Variants in ITGB7 observed in about 807,000 individuals in gnomAD.
ITGB7 encodes integrin subunit beta 7, also known as integrin beta-7.
ITGB7 carries 55 observed loss-of-function variants against 83.4 expected under a neutral mutation model. The ratio of observed to expected loss-of-function variants is 0.66; its 90% confidence interval spans 0.53 to 0.83. The LOEUF (loss-of-function observed/expected upper bound fraction) is 0.83, where lower values mean the gene tolerates loss of function less well. Among genes scored for constraint, ITGB7 ranks in the 40% least tolerant of loss-of-function variants. The probability of loss-of-function intolerance (pLI) is 0.00; values close to 1 mark genes in which losing one functional copy is unlikely to be tolerated. For missense variants in ITGB7, 921 were observed against 1,046.7 expected (o/e 0.88, Z 1.66); for synonymous variants, 454 against 423.6 (o/e 1.07, Z -0.88).
chr12:53,196,210 G>A lies in ITGB7; in HGVS notation c.817-11C>T. The A allele has an allele frequency of 6.2e-7, 1 of 1,613,672 alleles. No homozygotes were observed. Among genetic ancestry groups the A allele is most frequent in the Non-Finnish European group, 8.5e-7 (1 of 1,179,648 alleles). On this transcript the variant is annotated splice_polypyrimidine_tract_variant and intron_variant, in intron 6 of 15. Coordinates refer to ENST00000267082, the MANE Select transcript of ITGB7 (RefSeq NM_000889.3). The stretch of plus-strand genomic sequence containing the variant: ...CCAGCCAATCTGCTCCTGAGTTACA[G>A]TGGGGGTGGTAGGCTATGCACCTGG...
In ITGB7 at chr12:53,196,836, A is replaced by C. The variant is rs1319297954; in HGVS notation, c.575-16T>G. ...GAACCAAAACCTGGGAGAGGAGAGG[A>C]ATGAAGGTTGTGCCAGAAGTCGCAG... On this transcript the variant is annotated splice_polypyrimidine_tract_variant and intron_variant, in intron 5 of 15. Coordinates refer to ENST00000267082, the MANE Select transcript of ITGB7 (RefSeq NM_000889.3). The C allele has an allele frequency of 1.9e-6, 3 of 1,583,862 alleles. No individual in the cohort carries two copies. In the East Asian group the frequency reaches 6.8e-5, roughly 36 times the overall value.
At chr12:53,193,096 G>A (rs563933288) in intron 12 of ITGB7, 44 bp downstream of exon 12, 1 of 1,544,880 alleles carries the variant, frequency 6.5e-7, no homozygotes, top group South Asian at 1.2e-5. Flanking sequence ...AGTGCCTTGG[G>A]AAGGCCTCTC....
chr12:53,194,056 A>T, intron 10 of ITGB7, 142 bp downstream of exon 10: 2 of 1,372,232 alleles, frequency 1.5e-6, no homozygotes, highest in Non-Finnish European at 2.0e-6. Flanking sequence ...AGCCACTCAG[A>T]CTGCTCCAGG....
At chr12:53,202,218 G>T (rs1942337223) in intron 1 of ITGB7, among the ~76,000 whole-genome samples, 1 of 152,088 alleles carries the variant, frequency 6.6e-6, no homozygotes, top group South Asian at 2.1e-4. Context: ...AACTAGCTGG[G>T]TGTGGTGGTG....
chr12:53,192,214 G>T, intron 14 of ITGB7, 116 bp downstream of exon 14: 1 of 1,276,324 alleles, frequency 7.8e-7, no homozygotes, highest in Non-Finnish European at 1.1e-6. Context: ...CTTTGTCCTG[G>T]ATTCACAGTT....
At chr12:53,197,051 C>G in intron 5 of ITGB7, 2 of 583,214 alleles carry the variant, frequency 3.4e-6, no homozygotes, top group Non-Finnish European at 6.1e-6. Flanking sequence ...ATGGGAACTT[C>G]CAGAAGGCGG....
intron 1 of ITGB7, among the ~76,000 whole-genome samples, chr12:53,205,120 T>C (rs1424345131): frequency 6.6e-6 from 1 of 151,444 alleles, no homozygotes; most frequent in African/African-American, 2.4e-5. Flanking sequence ...CCACTGTGCC[T>C]GGCCTTAAAT....
rs1942194682 is a variant in ITGB7, at chr12:53,197,199, TTCCAGGTTGGTAGGCCCAGGGCAGCTG to T, written c.574+267_574+293del. ...CCAGGGAGACTTGCATCAGGGCAGG[TTCCAGGTTGGTAGGCCCAGGGCAGCTG>T]TCCAGGCCCAGAGAGTGCCTGAGCA... On this transcript the variant is annotated intron_variant, in intron 5 of 15. Coordinates refer to ENST00000267082, the MANE Select transcript of ITGB7 (RefSeq NM_000889.3). The T allele has an allele frequency of 7.1e-6, 4 of 561,200 alleles. 1 individual carries two copies. The South Asian group carries it at 8.0e-5, about 11-fold the overall frequency. The allele number at this position is 561,200 out of a possible 1,614,324, so 34.8% of individuals were successfully genotyped here. A position where few individuals can be genotyped will look rare whatever the true frequency, so the allele number is the denominator to read the frequency against.
chr12:53,203,156 G>C (rs1942356051), intron 1 of ITGB7, among the ~76,000 whole-genome samples: 2 of 152,316 alleles, frequency 1.3e-5, no homozygotes, highest in South Asian at 2.1e-4. Flanking sequence ...CAGAATGGGA[G>C]AAAATATTTG....
chr12:53,201,847 G>C (rs1942329009), intron 1 of ITGB7, among the ~76,000 whole-genome samples: 1 of 152,156 alleles, frequency 6.6e-6, no homozygotes, highest in South Asian at 2.1e-4. Context: ...GCTGCAGTGA[G>C]CTATGATCGT....
chr12:53,192,647 C>A, intron 13 of ITGB7, 44 bp downstream of exon 13: 1 of 1,600,958 alleles, frequency 6.2e-7, no homozygotes, highest in Non-Finnish European at 8.5e-7. Context: ...CTCAACAAGC[C>A]CCACTGTGCC....
chr12:53,200,219 C>T lies in ITGB7; in HGVS notation c.201+24G>A, dbSNP rs774148804. 16 of 1,601,512 alleles carry T rather than the reference C, an allele frequency of 1.0e-5. No individual in the cohort carries two copies. In the South Asian group the frequency reaches 1.8e-4, roughly 18 times the overall value. On this transcript the variant is annotated intron_variant, in intron 3 of 15. Coordinates refer to ENST00000267082, the MANE Select transcript of ITGB7 (RefSeq NM_000889.3). ...CATACACATACACATACACATGGTT[C>T]AAAGACCATAGGCCCATCTTTACCA...
chr12:53,196,439 A>C, intron 6 of ITGB7, 140 bp downstream of exon 6: 1 of 1,237,822 alleles, frequency 8.1e-7, no homozygotes, highest in Non-Finnish European at 1.1e-6. Context: ...ACTCCAACCC[A>C]CCAGGTAATT....
intron 1 of ITGB7, among the ~76,000 whole-genome samples, chr12:53,201,539 G>A (rs1344751229): frequency 6.6e-6 from 1 of 152,118 alleles, no homozygotes; most frequent in Non-Finnish European, 1.5e-5. Flanking sequence ...CTTCAGGAAA[G>A]CCAAGCAAAT....
intron 1 of ITGB7, among the ~76,000 whole-genome samples, chr12:53,204,154 T>A (rs975533062): frequency 1.3e-5 from 2 of 151,698 alleles, no homozygotes; most frequent in African/African-American, 4.8e-5. Context: ...CCGAGGCGGG[T>A]GGATCACTTG....
At position 53,193,180 on chromosome 12, in the gene ITGB7, G is replaced by A. The variant is rs79496005; in HGVS notation, c.1686C>T (p.Asp562=). ...CCTCATGTCGCTCACAGCTGGCATC[G>A]TCACACTCGCACAGATGCCCAGAGC... ...GQSSGHLCEC[D]DASCERHEGI... The change falls in exon 12 of 16, where the codon GAC becomes GAT. Residue 562 remains aspartate (D), a synonymous_variant. Coordinates refer to ENST00000267082, the MANE Select transcript of ITGB7 (RefSeq NM_000889.3). 365 of 1,613,726 alleles carry A rather than the reference G, an allele frequency of 2.3e-4. No individual in the cohort carries two copies. The African/African-American group carries it at 3.1e-3, about 14-fold the overall frequency.
At chr12:53,197,991 A>G (rs1349176726) in intron 3 of ITGB7, 40 bp from the exon 4 acceptor site, 5 of 1,502,040 alleles carry the variant, frequency 3.3e-6, no homozygotes, top group South Asian at 2.4e-5. Context: ...CCGGTCCTGC[A>G]TAGGCCCTGG....
In ITGB7 at chr12:53,197,823, C is replaced by T. The variant is rs181619182; in HGVS notation, c.330G>A (p.Pro110=). The change falls in exon 4 of 16, where the codon CCG becomes CCA. Residue 110 remains proline, a synonymous_variant. Coordinates refer to ENST00000267082, the MANE Select transcript of ITGB7 (RefSeq NM_000889.3). ...RGQQEVLQDQ[P]LSQGARGEGA... ...CCTCTCCGCGGGCGCCCTGGCTGAGCGGCTGGTCCTGCAGCACCTCCTGCT... is the reference window on the plus strand; with the variant it reads ...CCTCTCCGCGGGCGCCCTGGCTGAGTGGCTGGTCCTGCAGCACCTCCTGCT... 4,184 of 1,534,830 alleles carry T rather than the reference C, an allele frequency of 2.7e-3. 19 individuals are homozygous for T. The highest frequency in any genetic ancestry group is 0.017 in the Middle Eastern group (85 of 4,934).
Position 53,195,819 on chromosome 12 carries a change from A to C in ITGB7, c.976-98T>G, listed in dbSNP as rs747887396. 41 of 1,124,032 alleles carry C rather than the reference A, an allele frequency of 3.6e-5. 1 individual carries two copies. Among genetic ancestry groups the C allele is most frequent in the Non-Finnish European group, 4.8e-5 (36 of 751,646 alleles). The allele number at this position is 1,124,032 out of a possible 1,614,324, so 69.6% of individuals were successfully genotyped here. ...GGAATCCAGGAACCAAGGTTCCACC[A>C]GCTGGAGGAGCCCTGGAGGCTTGCT... On this transcript the variant is annotated intron_variant, in intron 7 of 15. Coordinates refer to ENST00000267082, the MANE Select transcript of ITGB7 (RefSeq NM_000889.3).
Sources: gnomAD v4.1 joint callset for allele counts (sites outside exome capture counted in the v4.1 genomes callset) on GRCh38, gnomAD v4.1.1 for gene constraint, MANE v1.5 for transcripts, NCBI Gene and HGNC (gene_info 2026-07-23, HGNC 2026-07-21) for gene names.